The following CPNE4 variants were observed in gnomAD, a reference collection of about 807,000 sequenced individuals.
CPNE4 encodes copine-4.
CPNE4 carries 25 observed loss-of-function variants against 67.9 expected under a neutral mutation model. That is an observed-to-expected ratio of 0.37 (90% confidence interval 0.27 to 0.51). The LOEUF (loss-of-function observed/expected upper bound fraction) is 0.51, where lower values mean the gene tolerates loss of function less well. CPNE4 is among the 20% of genes least tolerant of loss of function. CPNE4 has a pLI of 0.93. For missense variants in CPNE4, 464 were observed against 690.8 expected (o/e 0.67, Z 3.68); for synonymous variants, 242 against 244.9 (o/e 0.99, Z 0.11).
chr3:131,768,674 G>T (rs2107828963), intron 2 of CPNE4, among the ~76,000 whole-genome samples: 1 of 152,174 alleles, frequency 6.6e-6, no homozygotes, highest in South Asian at 2.1e-4. Context: ...TGAAAAAATT[G>T]AATTTATTTC....
chr3:131,907,517 CA>C (rs2088819714), intron 1 of CPNE4, among the ~76,000 whole-genome samples: 2 of 152,054 alleles, frequency 1.3e-5, no homozygotes, highest in Admixed American at 6.6e-5. Flanking sequence ...CACACACACA[CA>C]CTCAATCACA....
At chr3:131,784,883 A>C (rs1007855185) in intron 2 of CPNE4, among the ~76,000 whole-genome samples, 1 of 152,106 alleles carries the variant, frequency 6.6e-6, no homozygotes, top group African/African-American at 2.4e-5. Context: ...TATTGCAACC[A>C]ATCTCCTACT....
At position 131,574,981 on chromosome 3, in the gene CPNE4, C is replaced by T; in HGVS notation, c.927+90G>A. On this transcript the variant is annotated intron_variant, in intron 10 of 15. Transcript: ENST00000429747. ...AAAGCTGCCTGAAGGTTTTAATAAG[C>T]TTTTGTCTCTTTATCCCCCAAACCC... 3 of 1,090,078 alleles carry T rather than the reference C, an allele frequency of 2.8e-6. No homozygotes were observed. The East Asian group carries it at 7.4e-5, about 27-fold the overall frequency. The allele number at this position is 1,090,078 out of a possible 1,614,324, so 67.5% of individuals were successfully genotyped here.
At chr3:131,818,232 C>T (rs1442013876) in intron 2 of CPNE4, among the ~76,000 whole-genome samples, 2 of 152,194 alleles carry the variant, frequency 1.3e-5, no homozygotes, top group Non-Finnish European at 2.9e-5. Flanking sequence ...TCCCTCAACA[C>T]ATGCTTGGGT....
At chr3:131,671,158 C>A (rs753281325) in intron 6 of CPNE4, among the ~76,000 whole-genome samples, 1 of 152,038 alleles carries the variant, frequency 6.6e-6, no homozygotes, top group Non-Finnish European at 1.5e-5. Context: ...CCTCTTCCAC[C>A]GGATTCCTTA....
chr3:131,699,840 G>T, intron 4 of CPNE4, 69 bp downstream of exon 4: 3 of 1,280,900 alleles, frequency 2.3e-6, no homozygotes, highest in Non-Finnish European at 3.4e-6. Flanking sequence ...CCAAGTGTCT[G>T]GTTTGGGCTG....
intron 7 of CPNE4, among the ~76,000 whole-genome samples, chr3:131,592,958 T>C (rs1938625855): frequency 2.6e-5 from 4 of 152,214 alleles, no homozygotes. Context: ...TCTTGTTTTA[T>C]GATTGCCTTG....
At chr3:131,801,452 G>GTGTGTA (rs761978890) in intron 2 of CPNE4, among the ~76,000 whole-genome samples, 98 of 53,334 alleles carry the variant, frequency 1.8e-3, no homozygotes, top group African/African-American at 4.9e-3. Context: ...GTGTGTGTGT[G>GTGTGTA]TATATATATA....
At chr3:131,783,761 A>G (rs9848181) in intron 2 of CPNE4, among the ~76,000 whole-genome samples, 94,897 of 151,738 alleles carry the variant, frequency 0.63, 30,504 homozygotes, top group Admixed American at 0.7. Flanking sequence ...GGACAGGAAA[A>G]AGGGGCAAAG....
rs1176320561 is a variant in CPNE4, at chr3:131,533,957, A to G, written c.*1238T>C. On this transcript the variant is annotated 3_prime_UTR_variant, in exon 16 of 16. Transcript: ENST00000429747. Reference sequence around the variant, plus strand: ...AAACAAAACACCTCGACCCCAGACAATAATTCCAGGCATTTCTGCTTATAG... The same window carrying G: ...AAACAAAACACCTCGACCCCAGACAGTAATTCCAGGCATTTCTGCTTATAG... 1 of 152,204 alleles carries G rather than the reference A, an allele frequency of 6.6e-6. No homozygotes were observed. The highest frequency in any genetic ancestry group is 2.4e-5 in the African/African-American group (1 of 41,456). 9.4% of individuals were successfully genotyped at this position (152,204 alleles called of 1,614,324 possible).
At chr3:131,996,371 G>C (rs752747658) in intron 1 of CPNE4, among the ~76,000 whole-genome samples, 1 of 152,028 alleles carries the variant, frequency 6.6e-6, no homozygotes, top group Non-Finnish European at 1.5e-5. Flanking sequence ...AGGCAGAAAA[G>C]CTGGAGATGA....
In CPNE4 at chr3:131,601,517, TGGTAGTAC is replaced by T. The variant is rs1221623195; in HGVS notation, c.682-13943_682-13936del. Among the ~76,000 whole-genome samples the T allele has an allele frequency of 2.0e-5, 3 of 152,296 alleles. No individual in the cohort carries two copies. The East Asian group carries it at 5.8e-4, about 29-fold the overall frequency. On this transcript the variant is annotated intron_variant, in intron 7 of 15. Coordinates refer to ENST00000429747, the MANE Select transcript of CPNE4 (RefSeq NM_130808.3). ...AGGCTTCCAAGAGCAAATAAAAACC[TGGTAGTAC>T]CTGGTAAACAACATATGCAAGTATA...
intron 2 of CPNE4, among the ~76,000 whole-genome samples, chr3:131,795,228 T>C (rs1243806826): frequency 6.6e-6 from 1 of 152,148 alleles, no homozygotes. Context: ...ACACCGCCTA[T>C]AGGGCAATGG....
At chr3:131,593,758 C>T (rs1413331918) in intron 7 of CPNE4, among the ~76,000 whole-genome samples, 1 of 152,130 alleles carries the variant, frequency 6.6e-6, no homozygotes, top group African/African-American at 2.4e-5. Context: ...TTTTGCCAGG[C>T]TGGAGTGCAG....
intron 2 of CPNE4, among the ~76,000 whole-genome samples, chr3:131,806,574 T>C (rs1178755392): frequency 7.3e-6 from 1 of 137,254 alleles, no homozygotes; most frequent in Non-Finnish European, 1.6e-5. Context: ...AAAAAAGAAA[T>C]AGGAACAATT....
rs563299109 is a variant in CPNE4, at chr3:131,684,873, T to A, written c.591+1002A>T. On this transcript the variant is annotated intron_variant, in intron 6 of 15. Coordinates refer to ENST00000429747, the MANE Select transcript of CPNE4 (RefSeq NM_130808.3). The stretch of plus-strand genomic sequence containing the variant: ...TAGTTGTTGAATGTGTGTGTGGTAG[T>A]GGGTAGTAGGGGGTAAGGTAATAAG... 2.6e-5 allele frequency among the ~76,000 whole-genome samples: 4 copies of A among 152,158 alleles called. No individual in the cohort carries two copies. In the South Asian group the frequency reaches 8.3e-4, roughly 32 times the overall value.
chr3:131,669,803 A>G (rs773388269), intron 6 of CPNE4, 39 bp from the exon 7 acceptor site: 5 of 1,458,524 alleles, frequency 3.4e-6, no homozygotes, highest in Non-Finnish European at 4.8e-6. Flanking sequence ...TGGGGGAGAA[A>G]TGCTTGACAT....
At chr3:131,611,704 T>C (rs1488106274) in intron 7 of CPNE4, among the ~76,000 whole-genome samples, 3 of 152,072 alleles carry the variant, frequency 2.0e-5, no homozygotes, top group African/African-American at 7.2e-5. Context: ...TTCCTTTGCA[T>C]ACCAGCCCCT....
rs528157738 is a variant in CPNE4, at chr3:131,799,441, G to A, written c.181-75816C>T. 3.3e-5 allele frequency among the ~76,000 whole-genome samples: 5 copies of A among 152,206 alleles called. No individual in the cohort carries two copies. In the South Asian group the frequency reaches 6.2e-4, roughly 19 times the overall value. ...TGAGCCTACCCTATGGGCAAGAGTG[G>A]TTCACAGAATTAGGACTATGCTGGA... On this transcript the variant is annotated intron_variant, in intron 2 of 15. Coordinates refer to ENST00000429747, the MANE Select transcript of CPNE4 (RefSeq NM_130808.3).
Sources: gnomAD v4.1 joint callset for allele counts (sites outside exome capture counted in the v4.1 genomes callset) on GRCh38, gnomAD v4.1.1 for gene constraint, MANE v1.5 for transcripts, NCBI Gene and HGNC (gene_info 2026-07-23, HGNC 2026-07-21) for gene names.